Variants in HORMAD2 observed in about 807,000 individuals in gnomAD.
The protein encoded by HORMAD2 is HORMA domain-containing protein 2.
In HORMAD2, 45 loss-of-function variants were observed where a neutral mutation model predicts 38.8. That is an observed-to-expected ratio of 1.16 (90% CI 0.91 to 1.49). HORMAD2 has a LOEUF of 1.49. Among genes scored for constraint, HORMAD2 ranks in the 40% most tolerant of loss-of-function variants. The pLI is 0.00. For synonymous variants in HORMAD2, 126 were observed against 122.8 expected (o/e 1.03, Z -0.17); for missense variants, 338 against 367.0 (o/e 0.92, Z 0.65).
At chr22:30,206,696 G>A in the HORMAD2 span, among the ~76,000 whole-genome samples, 1 of 151,450 alleles carries the variant, frequency 6.6e-6, no homozygotes, top group Non-Finnish European at 1.5e-5. Context: ...TGCCCAGGCT[G>A]GTCTCAAACT....
At chr22:30,188,557 A>C in the HORMAD2 span, among the ~76,000 whole-genome samples, 1 of 152,208 alleles carries the variant, frequency 6.6e-6, no homozygotes, top group East Asian at 1.9e-4. Context: ...TATGTACATA[A>C]ATTTCCACAA....
chr22:30,153,970 G>A (rs1924915436), intron 10 of HORMAD2, among the ~76,000 whole-genome samples: 1 of 152,104 alleles, frequency 6.6e-6, no homozygotes, highest in Non-Finnish European at 1.5e-5. Flanking sequence ...TTTTGCCCTT[G>A]CACAGTTTAT....
the HORMAD2 span, among the ~76,000 whole-genome samples, chr22:30,185,312 C>T: frequency 3.7e-4 from 56 of 152,294 alleles, no homozygotes; most frequent in African/African-American, 1.2e-3. Context: ...CGAGCTTCGT[C>T]GGAACCTAGT....
At chr22:30,189,919 C>T in the HORMAD2 span, among the ~76,000 whole-genome samples, 1 of 152,150 alleles carries the variant, frequency 6.6e-6, no homozygotes, top group Non-Finnish European at 1.5e-5. Flanking sequence ...TGGAAAACCA[C>T]TCATGACTTG....
the HORMAD2 span, among the ~76,000 whole-genome samples, chr22:30,188,400 A>G: frequency 2.2e-5 from 2 of 91,838 alleles, no homozygotes; most frequent in Admixed American, 1.3e-4. Flanking sequence ...ATCTCTGGAG[A>G]AAAAAAAAAA....
At chr22:30,100,221 T>C (rs1405624480) in intron 3 of HORMAD2, among the ~76,000 whole-genome samples, 1 of 152,212 alleles carries the variant, frequency 6.6e-6, no homozygotes, top group Non-Finnish European at 1.5e-5. Context: ...AGCATGGTAC[T>C]GCTACCAAAA....
At chr22:30,091,356 A>G (rs1318411310) in intron 1 of HORMAD2, among the ~76,000 whole-genome samples, 13 of 147,912 alleles carry the variant, frequency 8.8e-5, no homozygotes, top group Admixed American at 2.7e-4. Context: ...TGCAGCCTTG[A>G]ACTCCTGGGC....
chr22:30,116,679 GTTAA>G (rs1922066082), intron 7 of HORMAD2, among the ~76,000 whole-genome samples: 1 of 152,182 alleles, frequency 6.6e-6, no homozygotes, highest in African/African-American at 2.4e-5. Context: ...TCAGACTGAA[GTTAA>G]TTAAGGATTA....
At chr22:30,107,546 T>G (rs1921292247) in intron 5 of HORMAD2, among the ~76,000 whole-genome samples, 1 of 151,988 alleles carries the variant, frequency 6.6e-6, no homozygotes, top group South Asian at 2.1e-4. Context: ...CCCAGGAGTT[T>G]GAGACCGGCC....
downstream of HORMAD2, among the ~76,000 whole-genome samples, chr22:30,178,749 T>C (rs1368659615): frequency 1.3e-5 from 2 of 152,222 alleles, no homozygotes; most frequent in Non-Finnish European, 2.9e-5. Flanking sequence ...GGTTCATCAG[T>C]GTGATCACAA....
intron 1 of HORMAD2, among the ~76,000 whole-genome samples, chr22:30,091,380 C>A (rs2068682936): frequency 6.6e-6 from 1 of 151,494 alleles, no homozygotes; most frequent in African/African-American, 2.4e-5. Flanking sequence ...AGTAGTCCAC[C>A]TTAGCTTCCC....
At chr22:30,094,603 T>C (rs2068749507) in intron 2 of HORMAD2, among the ~76,000 whole-genome samples, 2 of 152,330 alleles carry the variant, frequency 1.3e-5, no homozygotes, top group African/African-American at 2.4e-5. Context: ...TAAGTCAATA[T>C]ACAAAGCGAT....
In HORMAD2 at chr22:30,122,661, A is replaced by T. The variant is rs5753016; in HGVS notation, c.819+447A>T. ...GTCAGCGTGAAAACAAATAATAGTT[A>T]ACTTCTGGTTATGTGGAGGAAGACA... is the stretch of plus-strand genomic sequence containing the variant. On this transcript the variant is annotated intron_variant, in intron 10 of 10. Coordinates refer to ENST00000336726, the MANE Select transcript of HORMAD2 (RefSeq NM_152510.4). Among the ~76,000 whole-genome samples the T allele has an allele frequency of 1.8e-4, 27 of 152,280 alleles. No homozygotes were observed. In the East Asian group the frequency reaches 5.2e-3, roughly 29 times the overall value.
At chr22:30,188,558 A>G in the HORMAD2 span, among the ~76,000 whole-genome samples, 30 of 152,352 alleles carry the variant, frequency 2.0e-4, no homozygotes, top group African/African-American at 6.3e-4. Context: ...ATGTACATAA[A>G]TTTCCACAAT....
At chr22:30,131,565 G>T (rs1923285880) in intron 10 of HORMAD2, among the ~76,000 whole-genome samples, 1 of 151,696 alleles carries the variant, frequency 6.6e-6, no homozygotes, top group South Asian at 2.1e-4. Context: ...GATTTTTTTT[G>T]AGGATGAGCT....
intron 7 of HORMAD2, among the ~76,000 whole-genome samples, chr22:30,117,326 C>T (rs1922114245): frequency 1.3e-5 from 2 of 152,012 alleles, no homozygotes. Flanking sequence ...CTGTTTTGAG[C>T]TTATACTGTT....
chr22:30,195,192 CAAAAAAA>C, the HORMAD2 span, among the ~76,000 whole-genome samples: 6 of 89,630 alleles, frequency 6.7e-5, no homozygotes, highest in Admixed American at 2.2e-4. Context: ...GACTCCGTCT[CAAAAAAA>C]AAAAAAAAAA....
the HORMAD2 span, among the ~76,000 whole-genome samples, chr22:30,182,102 C>T: frequency 2.1e-4 from 32 of 152,296 alleles, no homozygotes; most frequent in East Asian, 5.0e-3. Context: ...TGGAGTTAGA[C>T]GTTATCTGGG....
In HORMAD2 at chr22:30,122,055, G is replaced by A. The variant is rs1271968235; in HGVS notation, c.660G>A (p.Val220=). ...LFDKEPINVQ[V]GFVSTGFHSM... Reference sequence around the variant, plus strand: ...ACAAGGAGCCTATCAACGTGCAAGTGGGATTTGTCTCCACTGGCTTTCATA... The same window carrying A: ...ACAAGGAGCCTATCAACGTGCAAGTAGGATTTGTCTCCACTGGCTTTCATA... Residue 220 remains valine, a synonymous_variant, in exon 10 of 11, where the codon GTG becomes GTA. Coordinates refer to ENST00000336726, the MANE Select transcript of HORMAD2 (RefSeq NM_152510.4). 1.2e-6 allele frequency: 2 copies of A among 1,613,626 alleles called. No individual in the cohort carries two copies. The highest frequency in any genetic ancestry group is 4.5e-5 in the East Asian group (2 of 44,872).
Sources: gnomAD v4.1 joint callset for allele counts (sites outside exome capture counted in the v4.1 genomes callset) on GRCh38, gnomAD v4.1.1 for gene constraint, MANE v1.5 for transcripts, NCBI Gene and HGNC (gene_info 2026-07-23, HGNC 2026-07-21) for gene names.